Variants in EYS observed in about 807,000 individuals in gnomAD.
The protein encoded by EYS is EGF-like photoreceptor maintenance factor, also known as protein eyes shut homolog.
Under a neutral mutation model 282.1 loss-of-function variants are expected in EYS, and 250 were observed. That is an observed-to-expected ratio of 0.89 (90% CI 0.80 to 0.98). EYS has a LOEUF of 0.98. Among genes scored for constraint, EYS ranks in the 50% least tolerant of loss-of-function variants. EYS has a pLI of 0.00. For missense variants in EYS, 4,016 were observed against 3,709.0 expected (o/e 1.08, Z -2.15); for synonymous variants, 1,355 against 1,282.9 (o/e 1.06, Z -1.20).
chr6:64,596,757 T>A (rs538102557), intron 24 of EYS, among the ~76,000 whole-genome samples: 1 of 152,180 alleles, frequency 6.6e-6, no homozygotes, highest in South Asian at 2.1e-4. Flanking sequence ...ATAAAACTAC[T>A]AGAAGAAAAC....
intron 22 of EYS, among the ~76,000 whole-genome samples, chr6:64,683,910 C>T (rs552477468): frequency 8.5e-5 from 13 of 152,296 alleles, no homozygotes; most frequent in African/African-American, 2.9e-4. Flanking sequence ...CAGCCAACCT[C>T]GCTGCCCACC....
At chr6:64,090,193 TTCTC>T (rs1772306708) in intron 31 of EYS, among the ~76,000 whole-genome samples, 1 of 152,120 alleles carries the variant, frequency 6.6e-6, no homozygotes, top group South Asian at 2.1e-4. Flanking sequence ...ATAGCTACCA[TTCTC>T]TCTCTAGTCT....
At chr6:65,070,699 G>T (rs1773878775) in intron 12 of EYS, among the ~76,000 whole-genome samples, 1 of 151,522 alleles carries the variant, frequency 6.6e-6, no homozygotes, top group African/African-American at 2.4e-5. Context: ...GGCAAATCTG[G>T]ATTAGGTCCC....
intron 26 of EYS, among the ~76,000 whole-genome samples, chr6:64,458,081 C>T (rs1318015836): frequency 1.3e-5 from 2 of 151,994 alleles, no homozygotes; most frequent in African/African-American, 2.4e-5. Context: ...ACTCCATTTA[C>T]GGCCCACATT....
chr6:64,080,472 G>A (rs1355245805), intron 32 of EYS, among the ~76,000 whole-genome samples: 81 of 146,822 alleles, frequency 5.5e-4, no homozygotes, highest in African/African-American at 6.7e-4. Flanking sequence ...TGTCAGATGA[G>A]TAGATTGCAA....
intron 21 of EYS, among the ~76,000 whole-genome samples, chr6:64,818,506 G>C (rs1345047599): frequency 1.3e-5 from 2 of 152,120 alleles, no homozygotes; most frequent in African/African-American, 4.8e-5. Flanking sequence ...AAGGTGAGGA[G>C]CAAGGAAGCC....
chr6:65,569,961 T>C (rs982142959), intron 2 of EYS, among the ~76,000 whole-genome samples: 1 of 152,018 alleles, frequency 6.6e-6, no homozygotes, highest in Non-Finnish European at 1.5e-5. Flanking sequence ...AATGAACCTG[T>C]TGAGTGGTTA....
chr6:65,419,604 G>A (rs1385130179), intron 5 of EYS, among the ~76,000 whole-genome samples: 1 of 151,740 alleles, frequency 6.6e-6, no homozygotes, highest in Non-Finnish European at 1.5e-5. Context: ...AAATTTTCTA[G>A]TCATCACATT....
chr6:64,854,754 G>T (rs1766001830), intron 19 of EYS, among the ~76,000 whole-genome samples: 1 of 151,852 alleles, frequency 6.6e-6, no homozygotes, highest in Non-Finnish European at 1.5e-5. Flanking sequence ...ATAAAAAAAA[G>T]AAATTGTATT....
At chr6:65,431,678 T>C (rs1481942920) in intron 5 of EYS, among the ~76,000 whole-genome samples, 1 of 152,114 alleles carries the variant, frequency 6.6e-6, no homozygotes, top group East Asian at 1.9e-4. Context: ...CACCGGCTGT[T>C]CTAAAATCAA....
intron 33 of EYS, among the ~76,000 whole-genome samples, chr6:64,065,945 GT>G (rs530709176): frequency 6.6e-6 from 1 of 152,108 alleles, no homozygotes; most frequent in Non-Finnish European, 1.5e-5. Context: ...TTGGGTGGCT[GT>G]TACACACGTA....
chr6:64,882,659 G>T (rs1766959964), intron 19 of EYS, among the ~76,000 whole-genome samples: 1 of 151,502 alleles, frequency 6.6e-6, no homozygotes, highest in African/African-American at 2.4e-5. Context: ...TAAACCCTTT[G>T]TGTTTAAATT....
intron 32 of EYS, among the ~76,000 whole-genome samples, chr6:64,073,081 G>A (rs1274947021): frequency 6.6e-6 from 1 of 151,844 alleles, no homozygotes; most frequent in Non-Finnish European, 1.5e-5. Flanking sequence ...ATGGACTGTA[G>A]CTGCTTTATT....
intron 22 of EYS, among the ~76,000 whole-genome samples, chr6:64,728,169 G>A (rs188956417): frequency 4.6e-5 from 7 of 152,188 alleles, no homozygotes; most frequent in South Asian, 2.1e-4. Flanking sequence ...AACTTTGTGC[G>A]GACCCTGTGG....
chr6:65,483,126 T>C (rs570619214), intron 5 of EYS, among the ~76,000 whole-genome samples: 7 of 152,072 alleles, frequency 4.6e-5, no homozygotes, highest in Non-Finnish European at 8.8e-5. Context: ...TTTCATGTGG[T>C]TTTATATTAT....
chr6:65,191,421 C>G (rs1437907063), intron 12 of EYS, among the ~76,000 whole-genome samples: 1 of 151,844 alleles, frequency 6.6e-6, no homozygotes, highest in Non-Finnish European at 1.5e-5. Flanking sequence ...ACTCCTACAA[C>G]AGATAAATTA....
intron 33 of EYS, among the ~76,000 whole-genome samples, chr6:64,034,075 T>A (rs1159640379): frequency 6.6e-6 from 1 of 152,204 alleles, no homozygotes; most frequent in Non-Finnish European, 1.5e-5. Flanking sequence ...TTATTGGTCA[T>A]GCCTGTATTG....
chr6:64,261,474 C>G (rs1767586606), intron 30 of EYS, among the ~76,000 whole-genome samples: 3 of 151,890 alleles, frequency 2.0e-5, no homozygotes, highest in Non-Finnish European at 2.9e-5. Flanking sequence ...ATGTTTTTGT[C>G]TTATTTTATT....
chr6:63,925,801 G>A (rs1420889825), intron 35 of EYS, among the ~76,000 whole-genome samples: 1 of 152,138 alleles, frequency 6.6e-6, no homozygotes, highest in African/African-American at 2.4e-5. Context: ...GTGGCACCAC[G>A]CCTGGCTAAT....
Sources: gnomAD v4.1 joint callset for allele counts (sites outside exome capture counted in the v4.1 genomes callset) on GRCh38, gnomAD v4.1.1 for gene constraint, MANE v1.5 for transcripts, NCBI Gene and HGNC (gene_info 2026-07-23, HGNC 2026-07-21) for gene names.